Variants in RARB observed in about 807,000 individuals in gnomAD.
RARB encodes the protein retinoic acid receptor beta.
In RARB, 17 loss-of-function variants were observed where a neutral mutation model predicts 51.9. The ratio of observed to expected loss-of-function variants is 0.33; its 90% confidence interval spans 0.22 to 0.49. The LOEUF (loss-of-function observed/expected upper bound fraction) is 0.49. Among genes scored for constraint, RARB ranks in the 20% least tolerant of loss-of-function variants. RARB has a pLI of 0.99. For missense variants in RARB, 369 were observed against 550.8 expected, an observed-to-expected ratio of 0.67 and a Z score of 3.30; for synonymous variants, 215 against 195.4, an observed-to-expected ratio of 1.10 and a Z score of -0.84.
At chr3:25,322,196 A>C (rs983574213) in intron 5 of RARB, among the ~76,000 whole-genome samples, 1 of 127,322 alleles carries the variant, frequency 7.9e-6, no homozygotes, top group East Asian at 2.4e-4. Context: ...GAAAACATAT[A>C]CTATTTAATA....
chr3:25,472,122 T>C (rs1695728200), intron 2 of RARB, among the ~76,000 whole-genome samples: 2 of 152,222 alleles, frequency 1.3e-5, no homozygotes, highest in Admixed American at 1.3e-4. Context: ...AAGCCAGGCT[T>C]AGCTGAAGTA....
At chr3:25,048,150 G>A (rs1698254661) in intron 2 of RARB, among the ~76,000 whole-genome samples, 1 of 152,126 alleles carries the variant, frequency 6.6e-6, no homozygotes, top group African/African-American at 2.4e-5. Context: ...CCCATTCTCA[G>A]GTATGTCTTT....
At chr3:25,593,178 T>A (rs1009154422) in intron 5 of RARB, among the ~76,000 whole-genome samples, 3 of 151,950 alleles carry the variant, frequency 2.0e-5, no homozygotes, top group South Asian at 2.1e-4. Flanking sequence ...TTTTTTTTTT[T>A]ATCTCCAGCA....
At chr3:25,454,291 T>A (rs1028412979) in intron 1 of RARB, among the ~76,000 whole-genome samples, 7 of 152,246 alleles carry the variant, frequency 4.6e-5, no homozygotes, top group Non-Finnish European at 7.3e-5. Flanking sequence ...TTTGCAGTCC[T>A]GCAGTGAATC....
At chr3:25,547,125 T>C (rs918653714) in intron 3 of RARB, among the ~76,000 whole-genome samples, 6 of 152,150 alleles carry the variant, frequency 3.9e-5, no homozygotes, top group Non-Finnish European at 8.8e-5. Context: ...GGAGCTTCCG[T>C]GTCATGGAGA....
chr3:25,157,350 T>TGTGTGTG (rs1700392801), intron 4 of RARB, among the ~76,000 whole-genome samples: 6 of 145,000 alleles, frequency 4.1e-5, no homozygotes, highest in African/African-American at 1.5e-4. Context: ...GTGTGTGTGT[T>TGTGTGTG]TGTGTGTGTG....
At chr3:25,517,955 A>C (rs1698240380) in intron 3 of RARB, among the ~76,000 whole-genome samples, 1 of 152,306 alleles carries the variant, frequency 6.6e-6, no homozygotes, top group East Asian at 1.9e-4. Context: ...ATCCATAGAA[A>C]CACAAAGTAA....
intron 3 of RARB, among the ~76,000 whole-genome samples, chr3:25,536,825 T>A: frequency 6.6e-6 from 1 of 152,148 alleles, no homozygotes; most frequent in African/African-American, 2.4e-5. Flanking sequence ...CATGGGAGTT[T>A]TATGAAAGTC....
intron 3 of RARB, among the ~76,000 whole-genome samples, chr3:25,124,646 C>T (rs2125330544): frequency 6.6e-6 from 1 of 152,298 alleles, no homozygotes; most frequent in African/African-American, 2.4e-5. Flanking sequence ...AAACCTTTGT[C>T]TTGCTCCTTG....
At chr3:25,235,741 C>T (rs73044260) in intron 5 of RARB, among the ~76,000 whole-genome samples, 2,539 of 152,264 alleles carry the variant, frequency 0.017, 38 homozygotes, top group Non-Finnish European at 0.025. Context: ...TACACAAACA[C>T]AGGAGATGGA....
chr3:25,116,094 A>G (rs181643645), intron 3 of RARB, among the ~76,000 whole-genome samples: 1 of 152,180 alleles, frequency 6.6e-6, no homozygotes, highest in Non-Finnish European at 1.5e-5. Context: ...CTTCTGCTCT[A>G]CTAGTTTGTA....
chr3:25,048,200 C>T (rs1236247044), intron 2 of RARB, among the ~76,000 whole-genome samples: 4 of 152,170 alleles, frequency 2.6e-5, no homozygotes, highest in Non-Finnish European at 5.9e-5. Flanking sequence ...AGGATAATTG[C>T]TCATTTCATC....
chr3:24,904,160 A>C (rs778833448), intron 2 of RARB, among the ~76,000 whole-genome samples: 1 of 152,198 alleles, frequency 6.6e-6, no homozygotes, highest in African/African-American at 2.4e-5. Flanking sequence ...CAGTTGAGCG[A>C]GTTCTTTAAC....
chr3:25,287,222 T>TCAA (rs1347315428), intron 5 of RARB, among the ~76,000 whole-genome samples: 112 of 152,338 alleles, frequency 7.4e-4, no homozygotes, highest in Non-Finnish European at 1.3e-3. Flanking sequence ...CTGGTGTCGC[T>TCAA]CCCTTTCCAG....
chr3:25,064,236 T>C (rs957422773), intron 3 of RARB, among the ~76,000 whole-genome samples: 4 of 152,144 alleles, frequency 2.6e-5, no homozygotes, highest in Non-Finnish European at 4.4e-5. Flanking sequence ...AGTAATATAA[T>C]GGCAATAGAT....
chr3:25,282,480 CT>C (rs1377313564), intron 5 of RARB, among the ~76,000 whole-genome samples: 2 of 152,078 alleles, frequency 1.3e-5, no homozygotes, highest in South Asian at 4.2e-4. Flanking sequence ...TTTCATAGCA[CT>C]TTTTATGATA....
At chr3:24,932,199 G>A (rs771204061) in intron 2 of RARB, among the ~76,000 whole-genome samples, 23 of 152,002 alleles carry the variant, frequency 1.5e-4, no homozygotes, top group Non-Finnish European at 3.1e-4. Context: ...GATACTTGGA[G>A]GCATGTCCTT....
At chr3:25,509,784 T>C (rs1387140121) in intron 3 of RARB, among the ~76,000 whole-genome samples, 1 of 152,202 alleles carries the variant, frequency 6.6e-6, no homozygotes, top group East Asian at 1.9e-4. Flanking sequence ...CCAGCAGTGC[T>C]GAGCCCAAGC....
chr3:25,554,143 AG>A (rs1699955091), intron 3 of RARB, among the ~76,000 whole-genome samples: 1 of 150,538 alleles, frequency 6.6e-6, no homozygotes, highest in East Asian at 2.0e-4. Context: ...ATTTCCCGAG[AG>A]AAAGTATCTG....
Sources: gnomAD v4.1 joint callset for allele counts (sites outside exome capture counted in the v4.1 genomes callset) on GRCh38, gnomAD v4.1.1 for gene constraint, MANE v1.5 for transcripts, NCBI Gene and HGNC (gene_info 2026-07-23, HGNC 2026-07-21) for gene names.